CCSER1: variants seen among roughly 807,000 people sequenced by gnomAD.
CCSER1 encodes serine-rich coiled-coil domain-containing protein 1.
Under a neutral mutation model 82.0 loss-of-function variants are expected in CCSER1, and 41 were observed. That is an observed-to-expected ratio of 0.50 (90% CI 0.39 to 0.65). CCSER1 has a LOEUF of 0.65. Among genes scored for constraint, CCSER1 ranks in the 30% least tolerant of loss-of-function variants. The probability of loss-of-function intolerance (pLI) is 0.00; values close to 1 mark genes in which losing one functional copy is unlikely to be tolerated. For missense variants in CCSER1, 1,119 were observed against 1,064.2 expected (o/e 1.05, Z -0.72); for synonymous variants, 414 against 383.9 (o/e 1.08, Z -0.92).
intron 10 of CCSER1, among the ~76,000 whole-genome samples, chr4:91,516,465 A>G (rs1329802104): frequency 6.6e-6 from 1 of 152,058 alleles, no homozygotes; most frequent in African/African-American, 2.4e-5. Context: ...GAATAGGAAT[A>G]CCTTTCTCCA....
intron 3 of CCSER1, among the ~76,000 whole-genome samples, chr4:90,379,979 G>C (rs745967938): frequency 6.6e-6 from 1 of 152,080 alleles, no homozygotes; most frequent in Non-Finnish European, 1.5e-5. Flanking sequence ...TAAACAACCA[G>C]ATCTCAGGAG....
intron 10 of CCSER1, among the ~76,000 whole-genome samples, chr4:91,437,573 G>A (rs1235907627): frequency 6.6e-6 from 1 of 152,226 alleles, no homozygotes; most frequent in Non-Finnish European, 1.5e-5. Flanking sequence ...GGTGATTTCT[G>A]CATTTCCATC....
chr4:91,039,945 G>A (rs1041557355), intron 9 of CCSER1, among the ~76,000 whole-genome samples: 1 of 151,956 alleles, frequency 6.6e-6, no homozygotes, highest in African/African-American at 2.4e-5. Flanking sequence ...GTGTAGAAAG[G>A]CCTGCTTTAC....
At chr4:91,114,985 A>T (rs989794608) in intron 10 of CCSER1, among the ~76,000 whole-genome samples, 7 of 152,140 alleles carry the variant, frequency 4.6e-5, no homozygotes, top group African/African-American at 1.7e-4. Flanking sequence ...TTTTTATTTT[A>T]TGGGAAATTA....
intron 1 of CCSER1, among the ~76,000 whole-genome samples, chr4:90,170,510 C>A (rs932978813): frequency 7.2e-5 from 11 of 151,732 alleles, no homozygotes; most frequent in South Asian, 2.1e-4. Context: ...TAACCATCGC[C>A]CCCTAGCCAC....
intron 10 of CCSER1, among the ~76,000 whole-genome samples, chr4:91,250,181 T>A (rs1740145207): frequency 1.3e-5 from 2 of 152,196 alleles, no homozygotes; most frequent in South Asian, 4.1e-4. Flanking sequence ...ATCTGTGAAC[T>A]GATCAAGAAT....
At chr4:90,896,694 G>A (rs1457275900) in intron 8 of CCSER1, among the ~76,000 whole-genome samples, 1 of 151,666 alleles carries the variant, frequency 6.6e-6, no homozygotes. Context: ...TGAAAAACTG[G>A]TACACACATT....
At chr4:91,476,235 A>G (rs562257157) in intron 10 of CCSER1, among the ~76,000 whole-genome samples, 448 of 151,872 alleles carry the variant, frequency 2.9e-3, no homozygotes, top group African/African-American at 0.01. Flanking sequence ...CATAGTTGCC[A>G]TGCTAATTTA....
chr4:90,559,007 C>G (rs1778426378), intron 5 of CCSER1, among the ~76,000 whole-genome samples: 1 of 152,110 alleles, frequency 6.6e-6, no homozygotes, highest in South Asian at 2.1e-4. Context: ...TTATAGGCTA[C>G]TTGGTGTCAC....
At chr4:90,379,832 A>G (rs1013579220) in intron 3 of CCSER1, among the ~76,000 whole-genome samples, 1 of 152,192 alleles carries the variant, frequency 6.6e-6, no homozygotes, top group African/African-American at 2.4e-5. Flanking sequence ...CAGGCTGTAC[A>G]GGAAGCATAG....
chr4:91,418,173 A>G (rs1753478863), intron 10 of CCSER1, among the ~76,000 whole-genome samples: 1 of 151,986 alleles, frequency 6.6e-6, no homozygotes, highest in Non-Finnish European at 1.5e-5. Context: ...CCTGAAGGAA[A>G]TAGAATAAAA....
intron 4 of CCSER1, among the ~76,000 whole-genome samples, chr4:90,417,263 T>C (rs1755937874): frequency 6.8e-6 from 1 of 146,756 alleles, no homozygotes; most frequent in Admixed American, 6.7e-5. Context: ...ATGCATGAAC[T>C]TTTTTTCTGG....
chr4:91,160,139 T>A (rs972129051), intron 10 of CCSER1, among the ~76,000 whole-genome samples: 3 of 150,336 alleles, frequency 2.0e-5, no homozygotes, highest in African/African-American at 7.3e-5. Context: ...AGTGAGAACA[T>A]GTGGTGTTTG....
At chr4:90,479,373 G>C (rs930738802) in intron 5 of CCSER1, among the ~76,000 whole-genome samples, 6 of 151,814 alleles carry the variant, frequency 4.0e-5, no homozygotes, top group African/African-American at 1.5e-4. Context: ...CATTTTACTA[G>C]CTATTTCTTT....
chr4:91,125,279 T>C (rs1259566768), intron 10 of CCSER1, among the ~76,000 whole-genome samples: 1 of 151,712 alleles, frequency 6.6e-6, no homozygotes, highest in East Asian at 1.9e-4. Context: ...CTGATTAATA[T>C]AGAGAAGCTC....
intron 10 of CCSER1, among the ~76,000 whole-genome samples, chr4:91,345,458 CAATG>C (rs1397418878): frequency 6.6e-6 from 1 of 152,058 alleles, no homozygotes; most frequent in African/African-American, 2.4e-5. Context: ...AAATTATTTT[CAATG>C]AATAAGTATT....
intron 5 of CCSER1, among the ~76,000 whole-genome samples, chr4:90,480,323 A>G (rs142759178): frequency 0.026 from 4,029 of 152,210 alleles, 186 homozygotes; most frequent in African/African-American, 0.092. Context: ...CCCATTCTGT[A>G]GGTTGCCTGT....
chr4:90,358,580 G>T (rs1744748661), intron 3 of CCSER1, among the ~76,000 whole-genome samples: 1 of 152,070 alleles, frequency 6.6e-6, no homozygotes. Flanking sequence ...ATTTTATTAG[G>T]AGAAAAGATT....
chr4:90,619,598 G>T (rs1483846607), intron 5 of CCSER1, among the ~76,000 whole-genome samples: 1 of 151,914 alleles, frequency 6.6e-6, no homozygotes, highest in East Asian at 1.9e-4. Flanking sequence ...TGATGATTTT[G>T]TGCTCTCAAC....
Sources: allele counts gnomAD v4.1 joint callset (sites outside exome capture counted in the v4.1 genomes callset), GRCh38; gene constraint gnomAD v4.1.1; transcripts MANE v1.5; gene names NCBI Gene and HGNC (gene_info 2026-07-23, HGNC 2026-07-21).